ANO2: variants seen among roughly 807,000 people sequenced by gnomAD.
ANO2 encodes anoctamin-2.
In ANO2, 101 loss-of-function variants were observed where a neutral mutation model predicts 124.2. The ratio of observed to expected loss-of-function variants is 0.81; its 90% CI spans 0.69 to 0.96. The LOEUF is 0.96. Among genes scored for constraint, ANO2 ranks in the 40% least tolerant of loss-of-function variants. The pLI is 0.00. For missense variants in ANO2, 1,293 were observed against 1,274.5 expected, an observed-to-expected ratio of 1.01 and a Z score of -0.22; for synonymous variants, 486 against 482.5, an observed-to-expected ratio of 1.01 and a Z score of -0.09.
At chr12:5,705,249 A>T (rs1350227667) in intron 14 of ANO2, among the ~76,000 whole-genome samples, 2 of 152,220 alleles carry the variant, frequency 1.3e-5, no homozygotes, top group Non-Finnish European at 2.9e-5. Context: ...TAGAGAGCAA[A>T]TCAAACATTG....
At chr12:5,629,738 C>G (rs1444490743) in intron 16 of ANO2, among the ~76,000 whole-genome samples, 1 of 152,214 alleles carries the variant, frequency 6.6e-6, no homozygotes, top group African/African-American at 2.4e-5. Flanking sequence ...AACTCCAATA[C>G]TGATGCTTGC....
At chr12:5,666,553 C>T (rs1947728836) in intron 14 of ANO2, among the ~76,000 whole-genome samples, 1 of 151,794 alleles carries the variant, frequency 6.6e-6, no homozygotes, top group African/African-American at 2.4e-5. Flanking sequence ...TTTCATGACC[C>T]AGAAGGAAAA....
intron 14 of ANO2, among the ~76,000 whole-genome samples, chr12:5,663,696 CTCTAG>C (rs1384887751): frequency 1.3e-5 from 2 of 152,144 alleles, no homozygotes; most frequent in African/African-American, 4.8e-5. Context: ...TCTCATCCTA[CTCTAG>C]ACACCAGCCC....
intron 14 of ANO2, among the ~76,000 whole-genome samples, chr12:5,678,971 A>G (rs1413088663): frequency 6.6e-6 from 1 of 152,222 alleles, no homozygotes; most frequent in Non-Finnish European, 1.5e-5. Context: ...AGCTCACATC[A>G]ATGCCAGCTC....
At chr12:5,649,994 G>C (rs920177047) in intron 14 of ANO2, among the ~76,000 whole-genome samples, 8 of 152,262 alleles carry the variant, frequency 5.3e-5, no homozygotes, top group Admixed American at 5.2e-4. Context: ...TGTTGACAAG[G>C]AAAACTGAGG....
intron 14 of ANO2, among the ~76,000 whole-genome samples, chr12:5,721,186 T>C (rs1950220496): frequency 6.6e-6 from 1 of 152,142 alleles, no homozygotes; most frequent in South Asian, 2.1e-4. Flanking sequence ...CCTCCTACCA[T>C]GCACACTCAC....
At chr12:5,563,874 C>A (rs1456169061) in intron 24 of ANO2, among the ~76,000 whole-genome samples, 1 of 152,190 alleles carries the variant, frequency 6.6e-6, no homozygotes, top group Non-Finnish European at 1.5e-5. Context: ...AGGACTTGTG[C>A]CCCCACACCA....
At chr12:5,846,196 T>C (rs1954681193) in intron 4 of ANO2, among the ~76,000 whole-genome samples, 1 of 152,194 alleles carries the variant, frequency 6.6e-6, no homozygotes, top group Non-Finnish European at 1.5e-5. Flanking sequence ...AATTCTTGAG[T>C]GGAGTAAGCT....
chr12:5,583,213 T>C (rs1193575120), intron 20 of ANO2, among the ~76,000 whole-genome samples: 1 of 152,074 alleles, frequency 6.6e-6, no homozygotes, highest in Non-Finnish European at 1.5e-5. Context: ...TTGCTGATGG[T>C]GAAAAGAGAG....
chr12:5,835,898 T>C (rs1481898229), intron 4 of ANO2, among the ~76,000 whole-genome samples: 1 of 152,234 alleles, frequency 6.6e-6, no homozygotes, highest in Non-Finnish European at 1.5e-5. Context: ...AGCACACCTC[T>C]TATAGGCCAT....
At chr12:5,727,825 G>C (rs1184761077) in intron 14 of ANO2, among the ~76,000 whole-genome samples, 1 of 147,014 alleles carries the variant, frequency 6.8e-6, no homozygotes, top group African/African-American at 2.5e-5. Flanking sequence ...TTTTTTTTTC[G>C]AGACAGAGTC....
intron 14 of ANO2, among the ~76,000 whole-genome samples, chr12:5,712,383 T>G (rs1565597206): frequency 1.3e-5 from 2 of 152,092 alleles, no homozygotes. Flanking sequence ...CTTCCCAGTG[T>G]CCTTGTAAGT....
chr12:5,565,505 CT>C (rs1941692652), intron 24 of ANO2, 52 bp downstream of exon 24: 1 of 1,445,614 alleles, frequency 6.9e-7, no homozygotes, highest in Non-Finnish European at 9.5e-7. Flanking sequence ...GTGCAGTGTC[CT>C]TACTCCTGCA....
intron 20 of ANO2, chr12:5,583,978 AC>A: frequency 8.5e-6 from 2 of 236,460 alleles, no homozygotes; most frequent in Non-Finnish European, 9.4e-6. Flanking sequence ...CATGAAAGTG[AC>A]CCCCAGAATG....
intron 13 of ANO2, among the ~76,000 whole-genome samples, chr12:5,733,387 A>G (rs996181287): frequency 1.3e-5 from 2 of 152,144 alleles, no homozygotes; most frequent in African/African-American, 4.8e-5. Flanking sequence ...TGCATAACTC[A>G]CTTCAAAGAA....
intron 16 of ANO2, 38 bp from the exon 17 acceptor site, chr12:5,615,335 G>T: frequency 6.6e-7 from 1 of 1,511,928 alleles, no homozygotes; most frequent in East Asian, 2.3e-5. Context: ...ATTGGGGTGA[G>T]ATTTCTCACC....
intron 1 of ANO2, among the ~76,000 whole-genome samples, chr12:5,938,817 C>G (rs932354064): frequency 2.7e-5 from 4 of 150,744 alleles, no homozygotes; most frequent in Non-Finnish European, 5.9e-5. Context: ...AAGAGCAAAA[C>G]TCTGTCTCAA....
chr12:5,653,538 A>G (rs1240241417), intron 14 of ANO2, among the ~76,000 whole-genome samples: 2 of 152,208 alleles, frequency 1.3e-5, no homozygotes, highest in African/African-American at 2.4e-5. Context: ...CAATGAGTAT[A>G]CCACATATGT....
chr12:5,599,009 CA>C (rs1246897608), intron 20 of ANO2, among the ~76,000 whole-genome samples: 1 of 152,182 alleles, frequency 6.6e-6, no homozygotes, highest in Non-Finnish European at 1.5e-5. Flanking sequence ...CTTATCTGAT[CA>C]AAGTAGGGGA....
Sources: gnomAD v4.1 joint callset for allele counts (sites outside exome capture counted in the v4.1 genomes callset) on GRCh38, gnomAD v4.1.1 for gene constraint, MANE v1.5 for transcripts, NCBI Gene and HGNC (gene_info 2026-07-23, HGNC 2026-07-21) for gene names.